Variants in FERMT2 observed in about 807,000 individuals in gnomAD.
FERMT2 encodes FERM domain containing kindlin 2.
In FERMT2, 15 loss-of-function variants were observed where a neutral mutation model predicts 82.7. The ratio of observed to expected loss-of-function variants is 0.18; its 90% CI spans 0.12 to 0.28. FERMT2 has a LOEUF of 0.28. FERMT2 is among the 10% of genes least tolerant of loss of function. The pLI, the probability that FERMT2 is intolerant of heterozygous loss-of-function variation, is 1.00. For missense variants in FERMT2, 645 were observed against 809.4 expected (o/e 0.80, Z 2.46); for synonymous variants, 274 against 271.5 (o/e 1.01, Z -0.09).
At chr14:52,950,079 A>G (rs533590122) in intron 2 of FERMT2, among the ~76,000 whole-genome samples, 1 of 152,122 alleles carries the variant, frequency 6.6e-6, no homozygotes, top group Admixed American at 6.5e-5. Flanking sequence ...CCCTCCCAAC[A>G]CACTTTCCTC....
intron 2 of FERMT2, among the ~76,000 whole-genome samples, chr14:52,943,678 G>T (rs182803490): frequency 5.3e-5 from 8 of 151,892 alleles, no homozygotes; most frequent in Non-Finnish European, 1.2e-4. Context: ...GAGTAAGTCT[G>T]AAACTTCATC....
chr14:52,868,352 C>T (rs563069898), intron 10 of FERMT2, among the ~76,000 whole-genome samples: 1 of 152,008 alleles, frequency 6.6e-6, no homozygotes, highest in South Asian at 2.1e-4. Context: ...GGCTCTCCAT[C>T]CCCGATGAAG....
intron 3 of FERMT2, among the ~76,000 whole-genome samples, chr14:52,902,875 A>AAAAAAAAAAAAACAAAC: frequency 7.5e-6 from 1 of 133,376 alleles, no homozygotes; most frequent in Non-Finnish European, 1.6e-5. Flanking sequence ...TCTCAAAAAA[A>AAAAAAAAAAAAACAAAC]AAAAAAAAAA....
At chr14:52,933,465 T>C (rs1016727401) in intron 2 of FERMT2, among the ~76,000 whole-genome samples, 3 of 152,058 alleles carry the variant, frequency 2.0e-5, no homozygotes, top group Non-Finnish European at 2.9e-5. Flanking sequence ...TCCCAGCACT[T>C]TGGGAGGCTG....
intron 3 of FERMT2, among the ~76,000 whole-genome samples, chr14:52,900,370 T>TATAAA (rs1555369935): frequency 5.3e-5 from 8 of 151,292 alleles, no homozygotes; most frequent in Non-Finnish European, 1.0e-4. Flanking sequence ...ATAAATACTA[T>TATAAA]ACATATAAAA....
chr14:52,906,986 A>C (rs1415445737), intron 3 of FERMT2, among the ~76,000 whole-genome samples: 1 of 141,032 alleles, frequency 7.1e-6, no homozygotes, highest in Non-Finnish European at 1.5e-5. Context: ...TCCCAGCTGC[A>C]GTGTCTTTCA....
At chr14:52,880,732 C>T (rs1222605278) in intron 6 of FERMT2, among the ~76,000 whole-genome samples, 1 of 151,596 alleles carries the variant, frequency 6.6e-6, no homozygotes, top group East Asian at 1.9e-4. Context: ...CAAAAGAGTA[C>T]CTTTAAAATA....
intron 8 of FERMT2, 33 bp downstream of exon 8, chr14:52,875,190 A>C (rs770394510): frequency 6.3e-7 from 1 of 1,581,752 alleles, no homozygotes; most frequent in Non-Finnish European, 8.6e-7. Context: ...AATTCAAGCT[A>C]AATTAGTAGG....
At chr14:52,925,501 G>T (rs1228969047) in intron 2 of FERMT2, among the ~76,000 whole-genome samples, 2 of 147,500 alleles carry the variant, frequency 1.4e-5, no homozygotes, top group African/African-American at 5.1e-5. Context: ...AGAGGTTGCA[G>T]TGAACCAAGA....
chr14:52,899,749 A>G (rs1053375043), intron 3 of FERMT2, among the ~76,000 whole-genome samples: 1 of 152,214 alleles, frequency 6.6e-6, no homozygotes, highest in Non-Finnish European at 1.5e-5. Context: ...AACAAAGTAA[A>G]CCTAACTCTC....
intron 3 of FERMT2, among the ~76,000 whole-genome samples, chr14:52,903,420 C>G (rs1887792317): frequency 6.6e-6 from 1 of 151,996 alleles, no homozygotes; most frequent in Non-Finnish European, 1.5e-5. Flanking sequence ...CACCTGTAGT[C>G]TCAGCTACTG....
chr14:52,872,728 C>G, intron 10 of FERMT2, 71 bp downstream of exon 10: 1 of 1,525,184 alleles, frequency 6.6e-7, no homozygotes, highest in Non-Finnish European at 8.9e-7. Context: ...TTTATCCCAG[C>G]AAGTGGCTCA....
chr14:52,887,807 T>G (rs539983806), intron 4 of FERMT2, among the ~76,000 whole-genome samples: 1 of 150,324 alleles, frequency 6.7e-6, no homozygotes, highest in Non-Finnish European at 1.5e-5. Flanking sequence ...TAAAGTTAAC[T>G]AAAATTACTT....
At position 52,880,932 on chromosome 14, in the gene FERMT2, A is replaced by G. The variant is rs545612342; in HGVS notation, c.855+104T>C. 2.2e-5 allele frequency: 15 copies of G among 673,676 alleles called. No homozygotes were observed. In the East Asian group the frequency reaches 4.1e-4, roughly 19 times the overall value. The allele number at this position is 673,676 out of a possible 1,614,324, so 41.7% of individuals were successfully genotyped here. A position where few individuals can be genotyped will look rare whatever the true frequency, so the allele number is the denominator to read the frequency against. ...TTTTAATAATTATTCAAGATTTCCT[A>G]TATACAAATAATTCCTTATTCCACC... On this transcript the variant is annotated intron_variant, in intron 6 of 14. Transcript: ENST00000341590.
At chr14:52,933,610 T>C (rs1889692273) in intron 2 of FERMT2, among the ~76,000 whole-genome samples, 1 of 145,762 alleles carries the variant, frequency 6.9e-6, no homozygotes, top group South Asian at 2.1e-4. Context: ...CTTGGGAGGC[T>C]GAAGCAGGAG....
intron 2 of FERMT2, among the ~76,000 whole-genome samples, chr14:52,944,791 T>A (rs969682420): frequency 1.3e-5 from 2 of 152,190 alleles, no homozygotes; most frequent in African/African-American, 4.8e-5. Flanking sequence ...AACATGCAAC[T>A]CCAACATAAA....
chr14:52,882,716 G>T (rs972873371), intron 4 of FERMT2, among the ~76,000 whole-genome samples: 18 of 151,872 alleles, frequency 1.2e-4, no homozygotes, highest in African/African-American at 4.4e-4. Context: ...CCCATGCAAT[G>T]ATAGAAACAC....
intron 7 of FERMT2, 34 bp downstream of exon 7, chr14:52,878,548 G>C (rs2357946): frequency 0.87 from 1,139,515 of 1,303,470 alleles, 501,917 homozygotes; most frequent in Middle Eastern, 0.9. Flanking sequence ...ACCCTTTACC[G>C]GAATAAGTCC....
chr14:52,911,885 G>C (rs1411729677), intron 3 of FERMT2, among the ~76,000 whole-genome samples: 1 of 151,854 alleles, frequency 6.6e-6, no homozygotes, highest in Non-Finnish European at 1.5e-5. Context: ...TACTTTTGTA[G>C]CCAAACCTCA....
Sources: gnomAD v4.1 joint callset for allele counts (sites outside exome capture counted in the v4.1 genomes callset) on GRCh38, gnomAD v4.1.1 for gene constraint, MANE v1.5 for transcripts, NCBI Gene and HGNC (gene_info 2026-07-23, HGNC 2026-07-21) for gene names.